Variants in KIAA1549L observed in about 807,000 individuals in gnomAD.
KIAA1549L encodes the protein KIAA1549 like, also known as UPF0606 protein KIAA1549L.
KIAA1549L carries 88 observed loss-of-function variants against 160.7 expected under a neutral mutation model. The ratio of observed to expected loss-of-function variants is 0.55; its 90% CI spans 0.46 to 0.65. KIAA1549L has a LOEUF of 0.65. Among genes scored for constraint, KIAA1549L ranks in the 30% least tolerant of loss-of-function variants. KIAA1549L has a pLI of 0.00. For synonymous variants in KIAA1549L, 950 were observed against 976.7 expected (o/e 0.97, Z 0.51); for missense variants, 2,258 against 2,437.5 (o/e 0.93, Z 1.55).
intron 9 of KIAA1549L, among the ~76,000 whole-genome samples, chr11:33,571,412 G>A (rs185166669): frequency 4.6e-5 from 7 of 152,284 alleles, no homozygotes; most frequent in African/African-American, 1.2e-4. Flanking sequence ...TGATTAGGCC[G>A]TTCTTGCATT....
chr11:33,585,241 G>T (rs1010593043), intron 11 of KIAA1549L, among the ~76,000 whole-genome samples: 1 of 152,190 alleles, frequency 6.6e-6, no homozygotes, highest in African/African-American at 2.4e-5. Context: ...CATTTTGGCC[G>T]GGCGCGGTGG....
At chr11:33,589,843 G>A (rs537691711) in intron 11 of KIAA1549L, among the ~76,000 whole-genome samples, 4 of 152,046 alleles carry the variant, frequency 2.6e-5, no homozygotes, top group East Asian at 3.8e-4. Context: ...GCACACCAAC[G>A]TGGCACATGT....
chr11:33,600,528 C>T (rs1301477114), intron 13 of KIAA1549L, among the ~76,000 whole-genome samples: 1 of 151,248 alleles, frequency 6.6e-6, no homozygotes, highest in African/African-American at 2.4e-5. Flanking sequence ...CCTCCCAGCT[C>T]CGCCTACTCC....
chr11:33,550,953 A>C (rs1436234578), intron 4 of KIAA1549L, 87 bp from the exon 5 acceptor site: 1 of 1,053,826 alleles, frequency 9.5e-7, no homozygotes, highest in Admixed American at 1.7e-5. Context: ...TCTTGTTTCT[A>C]ACAGCCGTGG....
intron 3 of KIAA1549L, among the ~76,000 whole-genome samples, chr11:33,546,866 G>T (rs1854283193): frequency 6.6e-6 from 1 of 152,176 alleles, no homozygotes; most frequent in South Asian, 2.1e-4. Flanking sequence ...TGCAGTCAAG[G>T]TCAACAACAA....
At chr11:33,520,697 A>ACACACACACACACACC (rs1853466918) in intron 1 of KIAA1549L, among the ~76,000 whole-genome samples, 1 of 49,978 alleles carries the variant, frequency 2.0e-5, no homozygotes, top group African/African-American at 1.1e-4. Context: ...ACACACACAC[A>ACACACACACACACACC]CACACACACA....
intron 1 of KIAA1549L, among the ~76,000 whole-genome samples, chr11:33,443,682 C>T (rs560442829): frequency 2.0e-5 from 3 of 151,458 alleles, no homozygotes; most frequent in East Asian, 3.9e-4. Flanking sequence ...GGCAGTCTGG[C>T]GAAGCTCTTG....
intron 4 of KIAA1549L, among the ~76,000 whole-genome samples, chr11:33,550,107 A>T (rs1854408285): frequency 6.6e-6 from 1 of 152,016 alleles, no homozygotes; most frequent in Non-Finnish European, 1.5e-5. Context: ...AGTTCTGGAA[A>T]TGGATAGTAG....
rs1461340840 is a variant in KIAA1549L, at chr11:33,672,192, T to C, written c.*4038T>C. ...ATGGACTTTCTTCTCTGTTTCCCTC[T>C]GCCTATCTATCTGCCTGGTTCTCTT... On this transcript the variant is annotated 3_prime_UTR_variant, in exon 21 of 21. Transcript: ENST00000658780. 6.6e-6 allele frequency: 1 copy of C among 152,340 alleles called. No homozygotes were observed. The highest frequency in any genetic ancestry group is 2.4e-5 in the African/African-American group (1 of 41,464). The allele number at this position is 152,340 out of a possible 1,614,324, so 9.4% of individuals were successfully genotyped here.
chr11:33,463,056 C>A (rs865986830), intron 1 of KIAA1549L, among the ~76,000 whole-genome samples: 3 of 152,042 alleles, frequency 2.0e-5, no homozygotes, highest in Admixed American at 6.6e-5. Flanking sequence ...CTTGAACTCC[C>A]GGGCTCAAGT....
chr11:33,614,556 A>C (rs1318355669), intron 15 of KIAA1549L, among the ~76,000 whole-genome samples: 813 of 11,122 alleles, frequency 0.073, 146 homozygotes, highest in African/African-American at 0.33. Flanking sequence ...ATATATATAT[A>C]TATATATATA....
intron 17 of KIAA1549L, among the ~76,000 whole-genome samples, chr11:33,647,126 T>G (rs910331634): frequency 7.2e-5 from 11 of 152,216 alleles, no homozygotes; most frequent in African/African-American, 2.7e-4. Flanking sequence ...GGCTCACACC[T>G]ATAATCCCAG....
chr11:33,664,015 G>A (rs879700558), intron 20 of KIAA1549L, among the ~76,000 whole-genome samples: 2 of 152,166 alleles, frequency 1.3e-5, no homozygotes, highest in African/African-American at 2.4e-5. Flanking sequence ...CCAATAACCT[G>A]TACCTTCCCA....
intron 1 of KIAA1549L, among the ~76,000 whole-genome samples, chr11:33,477,520 A>ACACACACACACACAC (rs1554981526): frequency 1.6e-4 from 24 of 147,010 alleles, no homozygotes; most frequent in African/African-American, 6.0e-4. Context: ...CACACACACA[A>ACACACACACACACAC]ACACACACAC....
At chr11:33,566,855 C>CT (rs1185231576) in intron 8 of KIAA1549L, among the ~76,000 whole-genome samples, 1 of 152,188 alleles carries the variant, frequency 6.6e-6, no homozygotes, top group Non-Finnish European at 1.5e-5. Context: ...AGAACAAACT[C>CT]TATTAATAAT....
At chr11:33,458,831 G>T (rs1020049924) in intron 1 of KIAA1549L, among the ~76,000 whole-genome samples, 1 of 152,208 alleles carries the variant, frequency 6.6e-6, no homozygotes, top group East Asian at 1.9e-4. Context: ...TGACCCCTGG[G>T]CTGATAGCTT....
At chr11:33,640,690 C>T (rs541364180) in intron 16 of KIAA1549L, among the ~76,000 whole-genome samples, 3 of 152,254 alleles carry the variant, frequency 2.0e-5, no homozygotes, top group African/African-American at 4.8e-5. Context: ...TTATTTCTGG[C>T]GATCAGATTA....
chr11:33,528,165 G>GT (rs1317679390), intron 1 of KIAA1549L, among the ~76,000 whole-genome samples: 1 of 152,062 alleles, frequency 6.6e-6, no homozygotes, highest in Non-Finnish European at 1.5e-5. Context: ...CCACTCTCAG[G>GT]TATGTCTTTA....
rs1483937668 is a variant in KIAA1549L at position 33,540,021 on chromosome 11, C to T, written c.239-1781C>T. On this transcript the variant is annotated intron_variant, in intron 1 of 20. Transcript: ENST00000658780. ...GGAAAACAACAAGGTCCAGTAGAAG[C>T]AAATCCACTAGAGACTGCCTTTCTT... Among the ~76,000 whole-genome samples the T allele has an allele frequency of 2.0e-5, 3 of 152,206 alleles. No individual in the cohort carries two copies. The South Asian group carries it at 6.2e-4, about 31-fold the overall frequency.
Sources: gnomAD v4.1 joint callset for allele counts (sites outside exome capture counted in the v4.1 genomes callset) on GRCh38, gnomAD v4.1.1 for gene constraint, MANE v1.5 for transcripts, NCBI Gene and HGNC (gene_info 2026-07-23, HGNC 2026-07-21) for gene names.